MED1: variants seen among roughly 807,000 people sequenced by gnomAD.
MED1 encodes the protein mediator complex subunit 1, also known as mediator of RNA polymerase II transcription subunit 1.
MED1 carries 17 observed loss-of-function variants against 121.3 expected under a neutral mutation model. The observed-to-expected ratio is 0.14, with a 90% CI of 0.10 to 0.21. The LOEUF (loss-of-function observed/expected upper bound fraction) is 0.21. Among genes scored for constraint, MED1 ranks in the 10% least tolerant of loss-of-function variants. MED1 has a pLI of 1.00. For missense variants in MED1, 1,558 were observed against 1,919.4 expected (o/e 0.81, Z 3.52); for synonymous variants, 661 against 694.4 (o/e 0.95, Z 0.76).
At position 39,451,139 on chromosome 17, in the gene MED1, C is replaced by T. The variant is rs2048778711; in HGVS notation, c.-77G>A. On this transcript the variant is annotated 5_prime_UTR_variant, in exon 1 of 17. Coordinates refer to ENST00000300651, the MANE Select transcript of MED1 (RefSeq NM_004774.4). ...ACCACTAACGGAGGAAACAAGTTGG[C>T]TCGGGATCCCGGGACGCAGGGCACC... is the stretch of plus-strand genomic sequence containing the variant. 1 of 1,559,310 alleles carries T rather than the reference C, an allele frequency of 6.4e-7. No homozygotes were observed. The highest frequency in any genetic ancestry group is 1.4e-5 in the African/African-American group (1 of 73,364).
intron 14 of MED1, among the ~76,000 whole-genome samples, chr17:39,418,064 GA>G (rs2048426275): frequency 9.2e-6 from 1 of 109,192 alleles, no homozygotes. Context: ...CCAGCCTGGG[GA>G]ACAGAGTGAG....
intron 14 of MED1, 103 bp downstream of exon 14, chr17:39,419,614 T>C: frequency 8.2e-7 from 1 of 1,219,744 alleles, no homozygotes; most frequent in Non-Finnish European, 1.2e-6. Flanking sequence ...AAAAAAAAAC[T>C]TTTTTTAAGT....
chr17:39,440,413 T>C lies in MED1; in HGVS notation c.372A>G (p.Lys124=). The C allele has an allele frequency of 6.3e-7, 1 of 1,575,750 alleles. No homozygotes were observed. Among genetic ancestry groups the C allele is most frequent in the East Asian group, 2.2e-5 (1 of 44,524 alleles). ...LDPAGQLCDV[K]VAHHGENPVS... ...CAGGATTCTCCCCATGGTGAGCCAC[T>C]TTTACATCACAAAGCTGTCCTGCAG... Residue 124 remains lysine (K), a synonymous_variant, in exon 5 of 17, where the codon AAA becomes AAG. Coordinates refer to ENST00000300651, the MANE Select transcript of MED1 (RefSeq NM_004774.4). The surrounding 1 kb of genome is among the most constrained non-coding windows in gnomAD (Gnocchi z 4.1).
At chr17:39,436,369 GAAAAAA>G (rs10712248) in intron 6 of MED1, among the ~76,000 whole-genome samples, 1 of 114,904 alleles carries the variant, frequency 8.7e-6, no homozygotes, top group Non-Finnish European at 1.7e-5. Context: ...TCAAAAAAAA[GAAAAAA>G]AAAAAAAAAA....
chr17:39,420,366 A>AT (rs1224911658), intron 13 of MED1, among the ~76,000 whole-genome samples: 2 of 150,782 alleles, frequency 1.3e-5, no homozygotes, highest in African/African-American at 2.4e-5. Context: ...CGCCCGGCTA[A>AT]TTTTTTTTGT....
chr17:39,427,941 G>A, intron 9 of MED1, 151 bp from the exon 10 acceptor site: 2 of 558,942 alleles, frequency 3.6e-6, no homozygotes, highest in South Asian at 2.2e-5. Context: ...AATATGGCAG[G>A]TGTGGTGACT....
chr17:39,408,483 A>C lies in MED1; in HGVS notation c.3738T>G (p.Ser1246=), dbSNP rs1287301903. The C allele has an allele frequency of 6.2e-7, 1 of 1,614,220 alleles. No individual in the cohort carries two copies. The highest frequency in any genetic ancestry group is 1.1e-5 in the South Asian group (1 of 91,090). The change falls in exon 17 of 17, where the codon TCT becomes TCG. Residue 1246 remains serine, a synonymous_variant. Coordinates refer to ENST00000300651, the MANE Select transcript of MED1 (RefSeq NM_004774.4). This position sits in a 1 kb window ranked among gnomAD's most constrained non-coding sequence, Gnocchi z 4.7. ...ACGAGCCTGAGGATCCTAACCCTGA[A>C]GATGACTTCATGCCAGAGCTTGAAC... ...GTSSSSGMKS[S]SGLGSSGSLS... is the part of the protein sequence containing the mutation.
chr17:39,427,722 T>C lies in MED1; in HGVS notation c.718A>G (p.Ile240Val), dbSNP rs1281259414. The change falls in exon 10 of 17, where the codon ATC (isoleucine) becomes GTC (valine). Residue 240 changes from isoleucine (I) to valine (V), a missense_variant. By Grantham distance (29) the Ile-to-Val change is conservative. Coordinates refer to ENST00000300651, the MANE Select transcript of MED1 (RefSeq NM_004774.4). ...TTACCATTATTCTCATGCAAAATGA[T>C]GGGAGATGCAGTCTTGTCATCCAGT... ...DLLDDKTASP[I>V]ILHENNVSRS... The C allele has an allele frequency of 1.2e-6, 2 of 1,600,336 alleles. No individual in the cohort carries two copies. The highest frequency in any genetic ancestry group is 2.2e-5 in the East Asian group (1 of 44,772).
In MED1 at chr17:39,407,436, T is replaced by G; in HGVS notation, c.*39A>C. 6.4e-7 allele frequency: 1 copy of G among 1,553,114 alleles called. No homozygotes were observed. The highest frequency in any genetic ancestry group is 8.7e-7 in the Non-Finnish European group (1 of 1,153,812). On this transcript the variant is annotated 3_prime_UTR_variant, in exon 17 of 17. Coordinates refer to ENST00000300651, the MANE Select transcript of MED1 (RefSeq NM_004774.4). ...TTGCCTATAAACTTATCAATAGTTTTTTTTCCTCTGGCCCTGTTTCTTTTA... is the reference window on the plus strand; with the variant it reads ...TTGCCTATAAACTTATCAATAGTTTGTTTTCCTCTGGCCCTGTTTCTTTTA...
rs562533467 is a variant in MED1, at chr17:39,440,125, A to G, written c.399+261T>C. Among the ~76,000 whole-genome samples, 376 of 149,186 alleles carry G rather than the reference A, an allele frequency of 2.5e-3. 4 individuals carry two copies. The highest frequency in any genetic ancestry group is 3.9e-3 in the African/African-American group (156 of 40,328). ...GAAAGAAAAAAGAAAGAAAAGAAAG[A>G]AAGGAAGGAAGGAAGGAAGGAAAGG... On this transcript the variant is annotated intron_variant, in intron 5 of 16. Transcript: ENST00000300651. This position sits in a 1 kb window ranked among gnomAD's most constrained non-coding sequence, Gnocchi z 4.1.
At chr17:39,421,168 T>C (rs1224854531) in intron 13 of MED1, among the ~76,000 whole-genome samples, 2 of 150,246 alleles carry the variant, frequency 1.3e-5, no homozygotes, top group African/African-American at 2.4e-5. Context: ...GAAGAATCGC[T>C]TGAACCTGGG....
At chr17:39,419,033 C>T (rs922587093) in intron 14 of MED1, among the ~76,000 whole-genome samples, 6 of 152,102 alleles carry the variant, frequency 3.9e-5, no homozygotes, top group African/African-American at 1.4e-4. Context: ...GATCTGCCCA[C>T]CTCGGCCTCC....
rs1023729048 is a variant in MED1, at chr17:39,406,069, T to C, written c.*1406A>G. ...GGACCCTCCAAATACTGAGAACTTC[T>C]GTTGCACTCGAAACAGTCTCCTGGA... On this transcript the variant is annotated 3_prime_UTR_variant, in exon 17 of 17. Coordinates refer to ENST00000300651, the MANE Select transcript of MED1 (RefSeq NM_004774.4). 1.0e-6 allele frequency: 1 copy of C among 985,444 alleles called. No individual in the cohort carries two copies. Among genetic ancestry groups the C allele is most frequent in the Non-Finnish European group, 1.2e-6 (1 of 829,940 alleles). 61.0% of individuals were successfully genotyped at this position (985,444 alleles called of 1,614,324 possible).
intron 13 of MED1, among the ~76,000 whole-genome samples, chr17:39,423,024 C>A (rs1331470136): frequency 6.6e-6 from 1 of 151,788 alleles, no homozygotes; most frequent in Non-Finnish European, 1.5e-5. Flanking sequence ...CGCCACCACA[C>A]ACGGCTAATT....
chr17:39,414,490 C>G (rs1241426644), intron 16 of MED1, among the ~76,000 whole-genome samples: 5 of 151,788 alleles, frequency 3.3e-5, no homozygotes, highest in African/African-American at 1.2e-4. Context: ...CGCCCGCCAC[C>G]ATGCCGGGCT....
rs2048301964 is a variant in MED1, at chr17:39,406,187, A to G, written c.*1288T>C. On this transcript the variant is annotated 3_prime_UTR_variant, in exon 17 of 17. Coordinates refer to ENST00000300651, the MANE Select transcript of MED1 (RefSeq NM_004774.4). ...CAAAAAGGTCCAATTGGGTTGCTAC[A>G]TAGTAGCAAGGGTTTATCTTCATGC... is the stretch of plus-strand genomic sequence containing the variant. 1.0e-6 allele frequency: 1 copy of G among 985,382 alleles called. No homozygotes were observed. The highest frequency in any genetic ancestry group is 1.2e-6 in the Non-Finnish European group (1 of 829,742). The allele number at this position is 985,382 out of a possible 1,614,324, so 61.0% of individuals were successfully genotyped here.
intron 13 of MED1, among the ~76,000 whole-genome samples, chr17:39,422,820 A>G (rs1210824010): frequency 1.3e-5 from 2 of 148,392 alleles, no homozygotes; most frequent in Non-Finnish European, 3.0e-5. Context: ...TTGTTTCCTA[A>G]TGGAAGCTCA....
chr17:39,423,496 C>T, intron 12 of MED1, 51 bp from the exon 13 acceptor site: 1 of 1,498,686 alleles, frequency 6.7e-7, no homozygotes, highest in Non-Finnish European at 9.3e-7. Context: ...AAAACACTGA[C>T]AGCTCAGTTT....
chr17:39,413,879 C>T (rs1055425963), intron 16 of MED1, among the ~76,000 whole-genome samples: 1 of 139,734 alleles, frequency 7.2e-6, no homozygotes, highest in Non-Finnish European at 1.5e-5. Context: ...AAGTTACCTA[C>T]TTTACTTCCC....
Sources: allele counts gnomAD v4.1 joint callset (sites outside exome capture counted in the v4.1 genomes callset), GRCh38; gene constraint gnomAD v4.1.1; non-coding constraint Gnocchi (gnomAD v3.1); transcripts MANE v1.5; gene names NCBI Gene and HGNC (gene_info 2026-07-23, HGNC 2026-07-21).